Variants in SCGB1D2 observed in about 807,000 individuals in gnomAD.
The protein encoded by SCGB1D2 is secretoglobin family 1D member 2.
A neutral mutation model predicts 10.5 loss-of-function variants in SCGB1D2; 10 were observed. That is an observed-to-expected ratio of 0.95 (90% CI 0.59 to 1.61). SCGB1D2 has a LOEUF of 1.61. SCGB1D2 is among the 40% of genes most tolerant of loss of function. The pLI is 0.00. For synonymous variants in SCGB1D2, 42 were observed against 42.8 expected, an observed-to-expected ratio of 0.98 and a Z score of 0.08; for missense variants, 113 against 103.8, an observed-to-expected ratio of 1.09 and a Z score of -0.38.
intron 1 of SCGB1D2, among the ~76,000 whole-genome samples, chr11:62,242,880 G>A (rs551871732): frequency 8.1e-4 from 124 of 152,342 alleles, no homozygotes; most frequent in African/African-American, 2.7e-3. Flanking sequence ...TTGAGCTCAG[G>A]AGTTTGAGTC....
chr11:62,243,848 G>A (rs117564384), intron 2 of SCGB1D2, among the ~76,000 whole-genome samples: 3,917 of 152,282 alleles, frequency 0.026, 83 homozygotes, highest in Non-Finnish European at 0.042. Flanking sequence ...CACAGTCACT[G>A]TGGAATGTCC....
chr11:62,244,525 G>A lies in SCGB1D2; in HGVS notation c.244-145G>A, dbSNP rs903806635. 5.2e-5 allele frequency: 36 copies of A among 692,092 alleles called. 1 individual carries two copies. Among genetic ancestry groups the A allele is most frequent in the Non-Finnish European group, 8.7e-5 (35 of 402,272 alleles). 42.9% of individuals were successfully genotyped at this position (692,092 alleles called of 1,614,324 possible). The stretch of plus-strand genomic sequence containing the variant: ...GGGTGCTGTGAGGCCACCAGGTCTA[G>A]GCCTCAGTTTCCCAAACTGAGTTGT... On this transcript the variant is annotated intron_variant, in intron 2 of 2. Coordinates refer to ENST00000244926, the MANE Select transcript of SCGB1D2 (RefSeq NM_006551.4).
rs2232948 is a variant in SCGB1D2 at position 62,242,411 on chromosome 11, C to T, written c.55+49C>T. 5.3e-3 allele frequency: 8,418 copies of T among 1,592,710 alleles called. 379 individuals are homozygous for T. In the African/African-American group the frequency reaches 0.099, roughly 19 times the overall value. On this transcript the variant is annotated intron_variant, in intron 1 of 2. Coordinates refer to ENST00000244926, the MANE Select transcript of SCGB1D2 (RefSeq NM_006551.4). ...AGCTCCAGCCCCTGGGAAGCACCCT[C>T]TTCCAAGCACGAGGTCACCTATTCA...
chr11:62,243,411 T>A lies in SCGB1D2; in HGVS notation c.178T>A (p.Leu60Ile). The A allele has an allele frequency of 6.2e-7, 1 of 1,614,138 alleles. No homozygotes were observed. Among genetic ancestry groups the A allele is most frequent in the African/African-American group, 1.3e-5 (1 of 75,042 alleles). The change falls in exon 2 of 3, where the codon TTA becomes ATA. Residue 60 changes from leucine to isoleucine, a missense_variant. Physicochemically the swap from Leu to Ile is conservative, Grantham distance 5. Coordinates refer to ENST00000244926, the MANE Select transcript of SCGB1D2 (RefSeq NM_006551.4). ...DAPPEAVAAK[L>I]GVKRCTDQMS... ...CCCTCCGGAAGCTGTTGCAGCCAAG[T>A]TAGGAGTGAAGAGATGCACGGATCA...
intron 1 of SCGB1D2, among the ~76,000 whole-genome samples, chr11:62,242,653 A>G (rs1016137453): frequency 6.6e-6 from 1 of 152,138 alleles, no homozygotes. Flanking sequence ...TCTGGGGTGA[A>G]TCTGGGATCC....
intron 2 of SCGB1D2, among the ~76,000 whole-genome samples, chr11:62,243,834 T>C (rs1945085989): frequency 6.6e-6 from 1 of 152,106 alleles, no homozygotes; most frequent in African/African-American, 2.4e-5. Context: ...CCTCATGTAA[T>C]GGACACAGTC....
Position 62,244,686 on chromosome 11 carries a change from A to C in SCGB1D2, c.260A>C (p.Lys87Thr), listed in dbSNP as rs776544059. ...IAEVLVKILK[K>T]CSV is the part of the protein sequence containing the mutation. Reference sequence around the variant, plus strand: ...CTATTTTAGGTGAAAATATTGAAGAAATGTAGTGTGTGACATGTAAAAACT... The same window carrying C: ...CTATTTTAGGTGAAAATATTGAAGACATGTAGTGTGTGACATGTAAAAACT... Residue 87 changes from lysine to threonine, a missense_variant, in exon 3 of 3, where the codon AAA becomes ACA. Coordinates refer to ENST00000244926, the MANE Select transcript of SCGB1D2 (RefSeq NM_006551.4). 6.2e-7 allele frequency: 1 copy of C among 1,613,272 alleles called. No homozygotes were observed. The highest frequency in any genetic ancestry group is 8.5e-7 in the Non-Finnish European group (1 of 1,179,496).
Position 62,243,469 on chromosome 11 carries a change from A to C in SCGB1D2, c.236A>C (p.Glu79Ala), listed in dbSNP as rs1945081384. The C allele has an allele frequency of 6.2e-7, 1 of 1,612,028 alleles. No individual in the cohort carries two copies. Among genetic ancestry groups the C allele is most frequent in the Admixed American group, 1.7e-5 (1 of 59,764 alleles). The change falls in exon 2 of 3, where the codon GAA becomes GCA. Residue 79 changes from glutamate (E) to alanine (A), a missense_variant. Physicochemically the swap from Glu to Ala is moderately radical, Grantham distance 107. Transcript: ENST00000244926. ...CTTCAGAAACGAAGCCTCATTGCGG[A>C]AGTCCTGGTAACTTCTTTCTCCTTT... ...MSLQKRSLIA[E>A]VLVKILKKCS...
intron 2 of SCGB1D2, among the ~76,000 whole-genome samples, chr11:62,244,142 C>T (rs781419939): frequency 1.3e-5 from 2 of 152,162 alleles, no homozygotes; most frequent in Non-Finnish European, 2.9e-5. Context: ...TTTCCAGGGG[C>T]CTCTCTGCCT....
intron 2 of SCGB1D2, among the ~76,000 whole-genome samples, chr11:62,243,808 C>T (rs566819628): frequency 9.2e-5 from 14 of 152,248 alleles, no homozygotes; most frequent in African/African-American, 3.4e-4. Context: ...TGGGAGCTTT[C>T]CTGAGACCAA....
intron 2 of SCGB1D2, among the ~76,000 whole-genome samples, chr11:62,244,125 C>T (rs1047896249): frequency 1.3e-5 from 2 of 152,164 alleles, no homozygotes; most frequent in Non-Finnish European, 1.5e-5. Flanking sequence ...CTCAAGAAAT[C>T]AGAGGTTTTC....
rs149575470 is a variant in SCGB1D2 at position 62,243,294 on chromosome 11, G to A, written c.61G>A (p.Ala21Thr). ...TTTTTATTCTTTTGCTGCAGCCAATGCCGAGTTCTGCCCAGCTCTTGTTTC... is the reference window on the plus strand; with the variant it reads ...TTTTTATTCTTTTGCTGCAGCCAATACCGAGTTCTGCCCAGCTCTTGTTTC... ...TLALCCYQAN[A>T]EFCPALVSEL... Residue 21 changes from alanine to threonine, a missense_variant, in exon 2 of 3, where the codon GCC (alanine) becomes ACC (threonine). Transcript: ENST00000244926. The A allele has an allele frequency of 4.3e-6, 7 of 1,610,088 alleles. No homozygotes were observed. Among genetic ancestry groups the A allele is most frequent in the African/African-American group, 1.3e-5 (1 of 74,768 alleles).
rs768869558 is a variant in SCGB1D2, at chr11:62,244,717, C to T, written c.*18C>T. 6.2e-6 allele frequency: 10 copies of T among 1,605,834 alleles called. No individual in the cohort carries two copies. The highest frequency in any genetic ancestry group is 1.3e-5 in the African/African-American group (1 of 74,686). ...GTGTGTGACATGTAAAAACTTTCAT[C>T]CTGGTTTCCACTGTCTTTCAATGAC... On this transcript the variant is annotated 3_prime_UTR_variant, in exon 3 of 3. Coordinates refer to ENST00000244926, the MANE Select transcript of SCGB1D2 (RefSeq NM_006551.4).
chr11:62,244,339 G>T (rs1407682710), intron 2 of SCGB1D2, among the ~76,000 whole-genome samples: 1 of 152,122 alleles, frequency 6.6e-6, no homozygotes, highest in Non-Finnish European at 1.5e-5. Context: ...GTCCCTCACT[G>T]CAGGAACCAG....
Position 62,242,293 on chromosome 11 carries a change from G to A in SCGB1D2, c.-15G>A. 1.2e-6 allele frequency: 2 copies of A among 1,613,902 alleles called. No homozygotes were observed. The highest frequency in any genetic ancestry group is 1.7e-6 in the Non-Finnish European group (2 of 1,179,864). The stretch of plus-strand genomic sequence containing the variant: ...ATTGTTTGTGAAAGCTGAGCTCACA[G>A]CAAAACAAGCCACCATGAAGCTGTC... On this transcript the variant is annotated 5_prime_UTR_variant, in exon 1 of 3. Coordinates refer to ENST00000244926, the MANE Select transcript of SCGB1D2 (RefSeq NM_006551.4).
intron 1 of SCGB1D2, 42 bp downstream of exon 1, chr11:62,242,404 G>A (rs1278428595): frequency 6.2e-7 from 1 of 1,604,436 alleles, no homozygotes; most frequent in Non-Finnish European, 8.5e-7. Context: ...CCCCTGGGAA[G>A]CACCCTCTTC....
Position 62,242,268 on chromosome 11 carries a change from ATTGT to A in SCGB1D2, c.-35_-32del. 4 of 1,611,852 alleles carry A rather than the reference ATTGT, an allele frequency of 2.5e-6. No individual in the cohort carries two copies. Among genetic ancestry groups the A allele is most frequent in the Non-Finnish European group, 3.4e-6 (4 of 1,178,192 alleles). ...TCCTGGGGTGGAGTCCAAATCACTC[ATTGT>A]TTGTGAAAGCTGAGCTCACAGCAAA... On this transcript the variant is annotated 5_prime_UTR_variant, in exon 1 of 3. Transcript: ENST00000244926.
At position 62,243,342 on chromosome 11, in the gene SCGB1D2, A is replaced by G; in HGVS notation, c.109A>G (p.Ile37Val). 2 of 1,614,068 alleles carry G rather than the reference A, an allele frequency of 1.2e-6. No individual in the cohort carries two copies. The highest frequency in any genetic ancestry group is 8.5e-7 in the Non-Finnish European group (1 of 1,179,942). Reference protein sequence around the residue: ...LVSELLDFFFISEPLFKLSLA... With the variant: ...LVSELLDFFFVSEPLFKLSLA... The stretch of plus-strand genomic sequence containing the variant: ...TTCTGAGCTGTTAGACTTCTTCTTC[A>G]TTAGTGAACCTCTGTTCAAGTTAAG... The change falls in exon 2 of 3, where the codon ATT becomes GTT. Residue 37 changes from isoleucine (I) to valine (V), a missense_variant. By Grantham distance (29) the Ile-to-Val change is conservative. Coordinates refer to ENST00000244926, the MANE Select transcript of SCGB1D2 (RefSeq NM_006551.4).
chr11:62,243,278 T>G lies in SCGB1D2; in HGVS notation c.56-11T>G. On this transcript the variant is annotated splice_polypyrimidine_tract_variant and intron_variant, in intron 1 of 2. Transcript: ENST00000244926. Reference sequence around the variant, plus strand: ...CCTAACATCAACTATATTTTTATTCTTTTGCTGCAGCCAATGCCGAGTTCT... The same window carrying G: ...CCTAACATCAACTATATTTTTATTCGTTTGCTGCAGCCAATGCCGAGTTCT... 6.2e-7 allele frequency: 1 copy of G among 1,607,768 alleles called. No homozygotes were observed. The highest frequency in any genetic ancestry group is 8.5e-7 in the Non-Finnish European group (1 of 1,176,128).
Sources: gnomAD v4.1 joint callset for allele counts (sites outside exome capture counted in the v4.1 genomes callset) on GRCh38, gnomAD v4.1.1 for gene constraint, MANE v1.5 for transcripts, NCBI Gene and HGNC (gene_info 2026-07-23, HGNC 2026-07-21) for gene names.